The following SMARCA2 variants were observed in gnomAD, a reference collection of about 807,000 sequenced individuals.
SMARCA2 encodes SWI/SNF related BAF chromatin remodeling complex subunit ATPase 2, also known as SWI/SNF-related matrix-associated actin-dependent regulator of chromatin subfamily A member 2.
Under a neutral mutation model 199.8 loss-of-function variants are expected in SMARCA2, and 61 were observed. The ratio of observed to expected loss-of-function variants is 0.31; its 90% CI spans 0.25 to 0.38. The LOEUF is 0.38. Among genes scored for constraint, SMARCA2 ranks in the 10% least tolerant of loss-of-function variants. The pLI, the probability that SMARCA2 is intolerant of heterozygous loss-of-function variation, is 1.00. For missense variants in SMARCA2, 1,344 were observed against 2,012.2 expected, an observed-to-expected ratio of 0.67 and a Z score of 6.35; for synonymous variants, 935 against 732.0, an observed-to-expected ratio of 1.28 and a Z score of -4.48.
At chr9:2,125,616 A>G (rs1249044193) in intron 27 of SMARCA2, among the ~76,000 whole-genome samples, 1 of 150,386 alleles carries the variant, frequency 6.6e-6, no homozygotes, top group East Asian at 2.0e-4. Context: ...CAGCCTCCCC[A>G]GTAGCTGGGA....
chr9:2,192,515 A>G (rs1563850097), intron 33 of SMARCA2, 189 bp from the exon 34 acceptor site: 3 of 626,374 alleles, frequency 4.8e-6, no homozygotes, highest in Non-Finnish European at 8.5e-6. Flanking sequence ...TTTTTCAGTA[A>G]GAAAAACTTC....
intron 19 of SMARCA2, among the ~76,000 whole-genome samples, chr9:2,096,446 C>T (rs1052071650): frequency 5.3e-5 from 8 of 152,114 alleles, no homozygotes; most frequent in Admixed American, 1.3e-4. Context: ...TACATATAAC[C>T]TTCAGAAGGC....
At position 2,031,283 on chromosome 9, in the gene SMARCA2, A is replaced by C. The variant is rs143643301; in HGVS notation, c.226-1669A>C. On this transcript the variant is annotated intron_variant, in intron 2 of 33. Coordinates refer to ENST00000349721, the MANE Select transcript of SMARCA2 (RefSeq NM_003070.5). ...AGAGAAATAAAGCTGCTCGTTTTCC[A>C]TGTCATATTTTTCAGGGGACCTATT... 1.1e-3 allele frequency among the ~76,000 whole-genome samples: 172 copies of C among 152,300 alleles called. 1 individual carries two copies. Among genetic ancestry groups the C allele is most frequent in the African/African-American group, 3.6e-3 (150 of 41,568 alleles).
rs925201992 is a variant in SMARCA2, at chr9:2,178,351, T to C, written c.4254-3220T>C. Reference sequence around the variant, plus strand: ...AGATCATTACGTAAAATCCATCCGATGTCACAGGCCATCAGTGGTCTTGGG... The same window carrying C: ...AGATCATTACGTAAAATCCATCCGACGTCACAGGCCATCAGTGGTCTTGGG... On this transcript the variant is annotated intron_variant, in intron 29 of 33. Coordinates refer to ENST00000349721, the MANE Select transcript of SMARCA2 (RefSeq NM_003070.5). 6.6e-5 allele frequency among the ~76,000 whole-genome samples: 10 copies of C among 152,262 alleles called. No individual in the cohort carries two copies. In the South Asian group the frequency reaches 1.7e-3, roughly 25 times the overall value.
intron 28 of SMARCA2, among the ~76,000 whole-genome samples, chr9:2,168,921 G>C (rs1826081162): frequency 6.6e-6 from 1 of 152,148 alleles, no homozygotes; most frequent in African/African-American, 2.4e-5. Context: ...CTCTGAGTTA[G>C]TTACAATCTA....
At chr9:2,091,010 G>A (rs1383919719) in intron 19 of SMARCA2, among the ~76,000 whole-genome samples, 1 of 152,156 alleles carries the variant, frequency 6.6e-6, no homozygotes, top group African/African-American at 2.4e-5. Flanking sequence ...GGCAGATGGA[G>A]GAAAAGGCTA....
rs149325907 is a variant in SMARCA2, at chr9:2,170,372, G to C, written c.4200-47G>C. The C allele has an allele frequency of 8.1e-6, 13 of 1,612,600 alleles. No homozygotes were observed. In the African/African-American group the frequency reaches 9.3e-5, roughly 12 times the overall value. ...TAGGAAGAAGGAGCCGGGCGGGGAC[G>C]AGAACCCAGGTCTTCTGACTCTAGT... is the stretch of plus-strand genomic sequence containing the variant. On this transcript the variant is annotated intron_variant, in intron 28 of 33. Transcript: ENST00000349721. This position sits in a 1 kb window ranked among gnomAD's most constrained non-coding sequence, Gnocchi z 4.7.
In SMARCA2 at chr9:2,039,974, G is replaced by A. The variant is rs1056642895; in HGVS notation, c.790+74G>A. On this transcript the variant is annotated intron_variant, in intron 4 of 33. Coordinates refer to ENST00000349721, the MANE Select transcript of SMARCA2 (RefSeq NM_003070.5). This position sits in a 1 kb window ranked among gnomAD's most constrained non-coding sequence, Gnocchi z 4.8. The stretch of plus-strand genomic sequence containing the variant: ...AACAAAGACTGCTCACCAAAACACC[G>A]GGTTGTTAAAAGCCCGGGGCTGACG... 9 of 1,577,768 alleles carry A rather than the reference G, an allele frequency of 5.7e-6. No individual in the cohort carries two copies. Among genetic ancestry groups the A allele is most frequent in the African/African-American group, 5.4e-5 (4 of 74,340 alleles).
intron 24 of SMARCA2, among the ~76,000 whole-genome samples, chr9:2,113,244 C>T (rs560145754): frequency 6.6e-6 from 1 of 151,120 alleles, no homozygotes; most frequent in Admixed American, 6.6e-5. Context: ...AGATAGAACT[C>T]GTGATTGTGG....
rs551604065 is a variant in SMARCA2, at chr9:2,097,366, C to T, written c.2992-19C>T. The T allele has an allele frequency of 1.3e-6, 2 of 1,505,638 alleles. No homozygotes were observed. The highest frequency in any genetic ancestry group is 1.8e-6 in the Non-Finnish European group (2 of 1,085,426). 93.3% of individuals were successfully genotyped at this position (1,505,638 alleles called of 1,614,324 possible). A position where few individuals can be genotyped will look rare whatever the true frequency, so the allele number is the denominator to read the frequency against. ...CAGTTAATAATTAATTCTATTTTTC[C>T]CTTTCCACTGGTTCTTAGGGGAAAG... is the stretch of plus-strand genomic sequence containing the variant. On this transcript the variant is annotated intron_variant, in intron 20 of 33. Coordinates refer to ENST00000349721, the MANE Select transcript of SMARCA2 (RefSeq NM_003070.5).
intron 1 of SMARCA2, among the ~76,000 whole-genome samples, 163 bp downstream of exon 1, chr9:2,015,567 G>A (rs1194412511): frequency 2.0e-5 from 3 of 152,006 alleles, no homozygotes; most frequent in Non-Finnish European, 4.4e-5. Flanking sequence ...AAAACAAACA[G>A]GCGGGCCAAC....
At chr9:2,126,577 T>G (rs1823706797) in intron 27 of SMARCA2, among the ~76,000 whole-genome samples, 1 of 152,254 alleles carries the variant, frequency 6.6e-6, no homozygotes, top group South Asian at 2.1e-4. Context: ...TTTAACACAT[T>G]GCATGAACCC....
At position 2,086,767 on chromosome 9, in the gene SMARCA2, T is replaced by A; in HGVS notation, c.2527-62T>A. On this transcript the variant is annotated intron_variant, in intron 17 of 33. Transcript: ENST00000349721. This position sits in a 1 kb window ranked among gnomAD's most constrained non-coding sequence, Gnocchi z 4.3. ...TTGGTTTTCCGCACCACCACTTGCT[T>A]GTTGGAAATAGTTGTATTTTCCCTT... 1 of 1,590,988 alleles carries A rather than the reference T, an allele frequency of 6.3e-7. No individual in the cohort carries two copies. Among genetic ancestry groups the A allele is most frequent in the South Asian group, 1.1e-5 (1 of 89,544 alleles).
chr9:2,099,344 G>A (rs1403120028), intron 21 of SMARCA2, among the ~76,000 whole-genome samples: 3 of 152,148 alleles, frequency 2.0e-5, no homozygotes, highest in Non-Finnish European at 2.9e-5. Flanking sequence ...GACATGTATG[G>A]TAATCTATGG....
In SMARCA2 at chr9:2,191,367, G is replaced by C. The variant is rs1827870545; in HGVS notation, c.4696G>C (p.Val1566Leu). 1.9e-6 allele frequency: 3 copies of C among 1,614,220 alleles called. No homozygotes were observed. The highest frequency in any genetic ancestry group is 1.1e-5 in the South Asian group (1 of 91,084). Reference protein sequence around the residue: ...KRPNRGKAKPVVSDFDSDEEQ... With the variant: ...KRPNRGKAKPLVSDFDSDEEQ... ...GCCAAATCGAGGAAAAGCCAAACCT[G>C]TAGTGAGCGATTTTGACAGCGATGA... The change falls in exon 33 of 34, where the codon GTA (valine) becomes CTA (leucine). Residue 1566 changes from valine to leucine, a missense_variant. This residue lies in a region of SMARCA2 where 155 missense variants were observed against 121.1 expected (regional missense o/e 1.28). Transcript: ENST00000349721.
At position 2,070,400 on chromosome 9, in the gene SMARCA2, G is replaced by A. The variant is rs760249258; in HGVS notation, c.1693-18G>A. The A allele has an allele frequency of 2.0e-5, 33 of 1,611,652 alleles. No homozygotes were observed. Among genetic ancestry groups the A allele is most frequent in the African/African-American group, 1.3e-4 (10 of 74,838 alleles). On this transcript the variant is annotated intron_variant, in intron 9 of 33. Transcript: ENST00000349721. ...ATCATCTTGGTTACTTATAACATTC[G>A]ACATTGTTGTTTTGCAGAAGGCTGA... is the stretch of plus-strand genomic sequence containing the variant.
At chr9:2,111,229 G>T (rs1004675390) in intron 24 of SMARCA2, among the ~76,000 whole-genome samples, 8 of 151,928 alleles carry the variant, frequency 5.3e-5, no homozygotes, top group Admixed American at 2.6e-4. Flanking sequence ...GCTCATGCCT[G>T]TAATCCCAGG....
At chr9:2,156,998 A>T (rs944121840) in intron 27 of SMARCA2, among the ~76,000 whole-genome samples, 5 of 152,182 alleles carry the variant, frequency 3.3e-5, no homozygotes, top group African/African-American at 9.7e-5. Flanking sequence ...TTTTTCTAAC[A>T]GGTTGCTTGT....
intron 27 of SMARCA2, among the ~76,000 whole-genome samples, chr9:2,152,107 T>A (rs571754197): frequency 6.6e-6 from 1 of 152,304 alleles, no homozygotes; most frequent in East Asian, 1.9e-4. Context: ...AACTGATGAA[T>A]GTTAAATAGT....
Sources: allele counts gnomAD v4.1 joint callset (sites outside exome capture counted in the v4.1 genomes callset), GRCh38; gene constraint gnomAD v4.1.1; regional missense constraint gnomAD v4.1.1; non-coding constraint Gnocchi (gnomAD v3.1); transcripts MANE v1.5; gene names NCBI Gene and HGNC (gene_info 2026-07-23, HGNC 2026-07-21).